The following SIPA1 variants were observed in gnomAD, a reference collection of about 807,000 sequenced individuals.
The protein encoded by SIPA1 is signal-induced proliferation-associated 1.
Under a neutral mutation model 88.1 loss-of-function variants are expected in SIPA1, and 51 were observed. That is an observed-to-expected ratio of 0.58 (90% CI 0.46 to 0.73). The LOEUF is 0.73. Among genes scored for constraint, SIPA1 ranks in the 30% least tolerant of loss-of-function variants. The probability of loss-of-function intolerance (pLI) is 0.00; values close to 1 mark genes in which losing one functional copy is unlikely to be tolerated. For synonymous variants in SIPA1, 681 were observed against 664.8 expected (o/e 1.02, Z -0.37); for missense variants, 1,348 against 1,467.6 (o/e 0.92, Z 1.33).
chr11:65,645,524 G>A (rs1030341505), intron 5 of SIPA1, among the ~76,000 whole-genome samples: 9 of 151,974 alleles, frequency 5.9e-5, no homozygotes, highest in African/African-American at 2.2e-4. Context: ...CACATGCTTG[G>A]GCCTGGAGTG....
Position 65,649,854 on chromosome 11 carries a change from C to G in SIPA1, c.2735C>G (p.Ser912Cys), listed in dbSNP as rs1590926630. 6.2e-7 allele frequency: 1 copy of G among 1,613,944 alleles called. No individual in the cohort carries two copies. Among genetic ancestry groups the G allele is most frequent in the Non-Finnish European group, 8.5e-7 (1 of 1,180,002 alleles). ...CCACGTACCTTGTCTCTGCGGAACT[C>G]CATCAGCAGGAGTGAGTCTGGACCC... Reference protein sequence around the residue: ...FLPRTLSLRNSISRIMSEAGS... With the variant: ...FLPRTLSLRNCISRIMSEAGS... Residue 912 changes from serine to cysteine, a missense_variant, in exon 12 of 16, where the codon TCC becomes TGC. Physicochemically the swap from Ser to Cys is moderately radical, Grantham distance 112. Transcript: ENST00000534313.
intron 1 of SIPA1, among the ~76,000 whole-genome samples, chr11:65,639,594 C>T (rs1185401512): frequency 6.7e-6 from 1 of 148,914 alleles, no homozygotes; most frequent in East Asian, 2.1e-4. Flanking sequence ...CATGATGTTG[C>T]TGGATGCTGC....
rs755724872 is a variant in SIPA1 at position 65,646,513 on chromosome 11, C to A, written c.1479C>A (p.Gly493=). ...TPAFGPALPA[G]GGPFAANADF... ...CCTTCGGGCCAGCTCTGCCTGCTGG[C>A]GGAGGCCCCTTCGCAGCCAACGCCG... The change falls in exon 8 of 16, where the codon GGC becomes GGA. Residue 493 remains glycine, a synonymous_variant. Transcript: ENST00000534313. The surrounding 1 kb of genome is among the most constrained non-coding windows in gnomAD (Gnocchi z 7.5). 1 of 1,573,764 alleles carries A rather than the reference C, an allele frequency of 6.4e-7. No individual in the cohort carries two copies. The highest frequency in any genetic ancestry group is 8.6e-7 in the Non-Finnish European group (1 of 1,166,736).
chr11:65,644,498 G>A (rs996876083), intron 4 of SIPA1, among the ~76,000 whole-genome samples: 1 of 151,960 alleles, frequency 6.6e-6, no homozygotes, highest in Non-Finnish European at 1.5e-5. Flanking sequence ...AGCCTGTGCT[G>A]TTTGGAGGAG....
At position 65,641,104 on chromosome 11, in the gene SIPA1, GC is replaced by G; in HGVS notation, c.189del (p.Thr64ArgfsTer112). On this transcript the variant is annotated frameshift_variant, in exon 2 of 16. Transcript: ENST00000534313. LOFTEE classifies it high-confidence loss of function. ...GCGGCAGCGATGCAGGCGAGGCCAG[GC>G]CCCCCACGCCAGCCAGCCCCCGTGC... Reference protein sequence around the residue: ...RSGSDAGEARPPTPASPRARA... With the variant: ...RSGSDAGEARXPTPASPRARA... 2 of 1,600,354 alleles carry G rather than the reference GC, an allele frequency of 1.2e-6. No individual in the cohort carries two copies.
chr11:65,647,683 G>C, intron 9 of SIPA1, 25 bp downstream of exon 9: 1 of 1,325,744 alleles, frequency 7.5e-7, no homozygotes, highest in Non-Finnish European at 9.6e-7. Context: ...GACGCGGGGA[G>C]GTGGGAGGGC....
intron 1 of SIPA1, 128 bp from the exon 2 acceptor site, chr11:65,640,703 G>C (rs986148309): frequency 4.1e-5 from 21 of 506,620 alleles, no homozygotes; most frequent in Non-Finnish European, 6.5e-5. Flanking sequence ...AAGTGGCCTG[G>C]AAAGCGGAAG....
At chr11:65,641,725 C>A in intron 2 of SIPA1, 125 bp downstream of exon 2, 1 of 919,320 alleles carries the variant, frequency 1.1e-6, no homozygotes, top group Non-Finnish European at 1.6e-6. Context: ...CCTGGGAGGG[C>A]TCAAGAGCTG....
Position 65,650,460 on chromosome 11 carries a change from T to A in SIPA1, c.2963T>A (p.Leu988Gln). The change falls in exon 15 of 16, where the codon CTG (leucine) becomes CAG (glutamine). Residue 988 changes from leucine (L) to glutamine (Q), a missense_variant. By Grantham distance (113) the Leu-to-Gln change is moderately radical. This residue lies in a region of SIPA1 where 615 missense variants were observed against 559.8 expected (regional missense o/e 1.10). Coordinates refer to ENST00000534313, the MANE Select transcript of SIPA1 (RefSeq NM_006747.4). The part of the protein sequence containing the change: ...VSHLESMLRK[L>Q]QEDLQKEKAD... ...CACTTGGAGTCCATGCTCAGGAAGC[T>A]GCAGGAGGACCTGCAGAAGGTGAGG... 6.2e-7 allele frequency: 1 copy of A among 1,614,150 alleles called. No homozygotes were observed. The highest frequency in any genetic ancestry group is 2.2e-5 in the East Asian group (1 of 44,880).
chr11:65,643,483 A>C (rs1180002363), intron 4 of SIPA1, among the ~76,000 whole-genome samples: 1 of 152,232 alleles, frequency 6.6e-6, no homozygotes, highest in Non-Finnish European at 1.5e-5. Context: ...TTTTGGTGCC[A>C]GGCCTCAGAC....
chr11:65,644,303 T>G (rs1360063749), intron 4 of SIPA1, among the ~76,000 whole-genome samples: 3 of 150,368 alleles, frequency 2.0e-5, no homozygotes, highest in African/African-American at 4.9e-5. Flanking sequence ...CCTGGGGCCC[T>G]AGGCAAGGTG....
At chr11:65,643,623 G>C (rs1009870865) in intron 4 of SIPA1, among the ~76,000 whole-genome samples, 1 of 152,212 alleles carries the variant, frequency 6.6e-6, no homozygotes, top group Non-Finnish European at 1.5e-5. Context: ...AATGTTGAGG[G>C]CTGCCTGGGC....
rs905331266 is a variant in SIPA1, at chr11:65,646,751, G to A, written c.1717G>A (p.Ala573Thr). The A allele has an allele frequency of 1.3e-6, 2 of 1,505,698 alleles. No homozygotes were observed. Among genetic ancestry groups the A allele is most frequent in the Admixed American group, 2.3e-5 (1 of 43,290 alleles). The allele number at this position is 1,505,698 out of a possible 1,614,324, so 93.3% of individuals were successfully genotyped here. ...CCGGGCGGCCCCTCGGGGCCCAGGC[G>A]CCGAGCTGCAGGCAGCGGGCTCACT... ...RRRAAPRGPG[A>T]ELQAAGSLVW... Residue 573 changes from alanine (A) to threonine (T), a missense_variant, in exon 8 of 16, where the codon GCC (alanine) becomes ACC (threonine). Ala to Thr is a moderately conservative substitution (Grantham distance 58, BLOSUM62 0). Coordinates refer to ENST00000534313, the MANE Select transcript of SIPA1 (RefSeq NM_006747.4). The surrounding 1 kb of genome is among the most constrained non-coding windows in gnomAD (Gnocchi z 7.5).
intron 1 of SIPA1, chr11:65,639,974 A>G (rs1855970305): frequency 6.6e-6 from 1 of 152,238 alleles, no homozygotes; most frequent in Non-Finnish European, 1.5e-5. Context: ...TCATCTGACC[A>G]TCTGTCACAT....
chr11:65,643,795 G>A lies in SIPA1; in HGVS notation c.984+1156G>A, dbSNP rs1278946364. Among the ~76,000 whole-genome samples, 5 of 152,178 alleles carry A rather than the reference G, an allele frequency of 3.3e-5. No homozygotes were observed. The South Asian group carries it at 8.3e-4, about 25-fold the overall frequency. On this transcript the variant is annotated intron_variant, in intron 4 of 15. Transcript: ENST00000534313. ...TGGCACATTAGGCAGTCAGTTCAGC[G>A]TGGCTGGGGTTGGGATTGTGGGGAG...
intron 12 of SIPA1, 24 bp downstream of exon 12, chr11:65,649,889 G>A (rs760163132): frequency 1.7e-5 from 28 of 1,613,534 alleles, no homozygotes; most frequent in East Asian, 2.2e-5. Flanking sequence ...CAGGAGAGCA[G>A]GGGAGGGGTT....
At position 65,645,044 on chromosome 11, in the gene SIPA1, G is replaced by C; in HGVS notation, c.1074G>C (p.Pro358=). The C allele has an allele frequency of 1.2e-6, 2 of 1,614,058 alleles. No individual in the cohort carries two copies. Among genetic ancestry groups the C allele is most frequent in the South Asian group, 1.1e-5 (1 of 91,078 alleles). ...TGTACAACAACCAGGAGGCGGGACC[G>C]GCCTTCATGCAGTTTCTCACCTTGC... is the stretch of plus-strand genomic sequence containing the variant. ...EEMYNNQEAG[P]AFMQFLTLLG... is the part of the protein sequence containing the mutation. Residue 358 remains proline (P), a synonymous_variant, in exon 5 of 16, where the codon CCG becomes CCC. Coordinates refer to ENST00000534313, the MANE Select transcript of SIPA1 (RefSeq NM_006747.4).
Position 65,649,670 on chromosome 11 carries a change from C to T in SIPA1, c.2635C>T (p.Gln879Ter), listed in dbSNP as rs778206021. The change falls in exon 11 of 16, where the codon CAG becomes TAG. Residue 879 changes from glutamine to a stop codon, truncating the protein, a stop_gained and splice_region_variant. Transcript: ENST00000534313. LOFTEE classifies it high-confidence loss of function. ...PSADSETPLT[Q>*]DRPGSPSGSE... ...TGCTGACAGTGAGACACCCCTGACC[C>T]AGGTGAGCAGAAACCAGGCTCTGGA... 5 of 1,613,970 alleles carry T rather than the reference C, an allele frequency of 3.1e-6. No individual in the cohort carries two copies. The highest frequency in any genetic ancestry group is 1.3e-5 in the African/African-American group (1 of 74,922).
Position 65,641,521 on chromosome 11 carries a change from A to C in SIPA1, c.600A>C (p.Pro200=). The part of the protein sequence containing the change: ...PNAAVSILEE[P]QNRTSAYSLE... ...CGGCCGTGTCCATCCTGGAGGAGCC[A>C]CAGAACCGAACCTCGGCCTACAGCC... The change falls in exon 2 of 16, where the codon CCA becomes CCC. Residue 200 remains proline (P), a synonymous_variant. Coordinates refer to ENST00000534313, the MANE Select transcript of SIPA1 (RefSeq NM_006747.4). The C allele has an allele frequency of 6.2e-7, 1 of 1,612,452 alleles. No homozygotes were observed. Among genetic ancestry groups the C allele is most frequent in the African/African-American group, 1.3e-5 (1 of 75,052 alleles).
Sources: allele counts gnomAD v4.1 joint callset (sites outside exome capture counted in the v4.1 genomes callset), GRCh38; gene constraint gnomAD v4.1.1; regional missense constraint gnomAD v4.1.1; non-coding constraint Gnocchi (gnomAD v3.1); transcripts MANE v1.5; gene names NCBI Gene and HGNC (gene_info 2026-07-23, HGNC 2026-07-21).